The following ACACA variants were observed in gnomAD, a reference collection of about 807,000 sequenced individuals.
ACACA encodes acetyl-CoA carboxylase alpha.
ACACA carries 103 observed loss-of-function variants against 296.1 expected under a neutral mutation model. The ratio of observed to expected loss-of-function variants is 0.35; its 90% confidence interval spans 0.30 to 0.41. The LOEUF is 0.41. ACACA is among the 10% of genes least tolerant of loss of function. ACACA has a pLI of 1.00. For synonymous variants in ACACA, 953 were observed against 1,038.6 expected, an observed-to-expected ratio of 0.92 and a Z score of 1.58; for missense variants, 1,554 against 2,989.7, an observed-to-expected ratio of 0.52 and a Z score of 11.20.
intron 49 of ACACA, 141 bp downstream of exon 49, chr17:37,122,390 C>A: frequency 1.3e-6 from 1 of 777,640 alleles, no homozygotes; most frequent in Non-Finnish European, 2.3e-6. Context: ...AAAGTGAGCA[C>A]ATGATGTTCT....
Position 37,086,012 on chromosome 17 carries a change from TAA to T in ACACA, c.*1302_*1303del. ...TCTTGAATAAACTAGTTGTTGAAAG[TAA>T]ACTCTCTCCACCACCTGAGGAAGCC... On this transcript the variant is annotated 3_prime_UTR_variant, in exon 56 of 56. Coordinates refer to ENST00000616317, the MANE Select transcript of ACACA (RefSeq NM_198834.3). 2.5e-6 allele frequency: 1 copy of T among 393,570 alleles called. No homozygotes were observed. The allele number at this position is 393,570 out of a possible 1,614,324, so 24.4% of individuals were successfully genotyped here.
intron 54 of ACACA, among the ~76,000 whole-genome samples, chr17:37,089,379 GCT>G (rs1043412703): frequency 1.1e-4 from 17 of 152,210 alleles, no homozygotes; most frequent in African/African-American, 3.9e-4. Flanking sequence ...TTTGACAAAG[GCT>G]AAGAGAATTC....
chr17:37,159,777 T>C (rs1473770019), intron 42 of ACACA, among the ~76,000 whole-genome samples: 1 of 152,136 alleles, frequency 6.6e-6, no homozygotes, highest in Non-Finnish European at 1.5e-5. Context: ...AAATATAGAA[T>C]ATTTCCATCA....
At position 37,287,590 on chromosome 17, in the gene ACACA, A is replaced by AAC. The variant is rs1264156932; in HGVS notation, c.339-2621_339-2620insGT. ...CTACTAAAAAAAAAAAAAAAAAAAA[A>AAC]CAAATATCCAGGCATGGTGGTGCAC... On this transcript the variant is annotated intron_variant, in intron 3 of 55. Coordinates refer to ENST00000616317, the MANE Select transcript of ACACA (RefSeq NM_198834.3). Among the ~76,000 whole-genome samples the AAC allele has an allele frequency of 7.7e-3, 1,112 of 144,204 alleles. 40 individuals are homozygous for AAC. The highest frequency in any genetic ancestry group is 0.044 in the Admixed American group (627 of 14,200). 94.6% of individuals were successfully genotyped at this position (144,204 alleles called of 152,430 possible). A position where few individuals can be genotyped will look rare whatever the true frequency, so the allele number is the denominator to read the frequency against.
chr17:37,218,147 C>CAAAAAA (rs60487601), intron 29 of ACACA, among the ~76,000 whole-genome samples: 5 of 116,586 alleles, frequency 4.3e-5, no homozygotes, highest in African/African-American at 6.9e-5. Flanking sequence ...CTACCAGTAA[C>CAAAAAA]AAAAAAAAAA....
chr17:37,348,173 AAGT>A lies in ACACA; in HGVS notation c.39-8326_39-8324del, dbSNP rs2048721155. 2.6e-5 allele frequency among the ~76,000 whole-genome samples: 4 copies of A among 152,222 alleles called. No individual in the cohort carries two copies. The East Asian group carries it at 7.7e-4, about 29-fold the overall frequency. ...CTCTCAAAAAAAAAAAAAAAATTTA[AAGT>A]GATGAACAACAGGAGAGAAAAAGAA... On this transcript the variant is annotated intron_variant, in intron 1 of 55. Transcript: ENST00000616317.
At position 37,186,529 on chromosome 17, in the gene ACACA, C is replaced by T. The variant is rs79324199; in HGVS notation, c.4776+1748G>A. 5.8e-4 allele frequency among the ~76,000 whole-genome samples: 89 copies of T among 152,294 alleles called. No homozygotes were observed. The East Asian group carries it at 0.011, about 18-fold the overall frequency. On this transcript the variant is annotated intron_variant, in intron 39 of 55. Coordinates refer to ENST00000616317, the MANE Select transcript of ACACA (RefSeq NM_198834.3). Reference sequence around the variant, plus strand: ...TTAAAGAAAGGGAAAAACAGTTTGACAATAAGCACCATGTAGGCATTAGGA... The same window carrying T: ...TTAAAGAAAGGGAAAAACAGTTTGATAATAAGCACCATGTAGGCATTAGGA...
chr17:37,351,919 C>T (rs1372614646), intron 1 of ACACA, among the ~76,000 whole-genome samples: 1 of 146,038 alleles, frequency 6.8e-6, no homozygotes, highest in Non-Finnish European at 1.5e-5. Flanking sequence ...CAGGCTTTCA[C>T]AGGCTGCATT....
intron 2 of ACACA, 72 bp from the exon 3 acceptor site, chr17:37,330,497 A>G: frequency 6.3e-7 from 1 of 1,582,806 alleles, no homozygotes. Context: ...GCCAGAGGTT[A>G]TATCTAATAA....
At chr17:37,387,790 G>A (rs2050610911) in intron 1 of ACACA, 1 of 152,038 alleles carries the variant, frequency 6.6e-6, no homozygotes, top group South Asian at 2.1e-4. Context: ...AATTGGCCAG[G>A]ACTAAAATTC....
intron 43 of ACACA, 64 bp downstream of exon 43, chr17:37,155,619 A>G (rs937866444): frequency 4.4e-6 from 5 of 1,130,154 alleles, no homozygotes; most frequent in Non-Finnish European, 6.7e-6. Context: ...TACAATATGG[A>G]AAAAAATACC....
intron 41 of ACACA, among the ~76,000 whole-genome samples, chr17:37,170,115 G>A (rs1471046578): frequency 2.0e-5 from 3 of 151,872 alleles, no homozygotes; most frequent in Admixed American, 6.6e-5. Context: ...ACATTCCAAC[G>A]AGCAGGTTTA....
intron 3 of ACACA, among the ~76,000 whole-genome samples, chr17:37,322,635 C>T (rs1184828865): frequency 6.6e-6 from 1 of 152,124 alleles, no homozygotes; most frequent in Non-Finnish European, 1.5e-5. Flanking sequence ...AACCCGAGAC[C>T]ACAGCAGGCA....
chr17:37,092,652 G>C (rs1482492710), intron 54 of ACACA, among the ~76,000 whole-genome samples: 1 of 152,148 alleles, frequency 6.6e-6, no homozygotes, highest in African/African-American at 2.4e-5. Flanking sequence ...GGTTCAGCAG[G>C]GCCAAGGAGT....
At chr17:37,302,798 T>C (rs1440106363) in intron 3 of ACACA, among the ~76,000 whole-genome samples, 1 of 152,246 alleles carries the variant, frequency 6.6e-6, no homozygotes, top group South Asian at 2.1e-4. Flanking sequence ...CCCTGTGATC[T>C]TGATAAACTC....
chr17:37,305,904 GTTTTTTTTTTTTTTTTTT>G (rs200591761), intron 3 of ACACA, among the ~76,000 whole-genome samples: 1 of 95,808 alleles, frequency 1.0e-5, no homozygotes, highest in African/African-American at 3.5e-5. Context: ...TTTTTTTTTT[GTTTTTTTTTTTTTTTTTT>G]TTTTGAGACG....
chr17:37,252,821 C>T, intron 15 of ACACA, 65 bp downstream of exon 15: 1 of 1,591,802 alleles, frequency 6.3e-7, no homozygotes, highest in Non-Finnish European at 8.6e-7. Flanking sequence ...CATGTAGTGA[C>T]AGGGATTGAG....
intron 15 of ACACA, 90 bp downstream of exon 15, chr17:37,252,796 G>C (rs2081055072): frequency 6.5e-7 from 1 of 1,540,678 alleles, no homozygotes; most frequent in African/African-American, 1.4e-5. Context: ...ATTTACATTA[G>C]AATCAAATAA....
At chr17:37,223,978 G>C (rs1432994563) in intron 27 of ACACA, among the ~76,000 whole-genome samples, 1 of 152,222 alleles carries the variant, frequency 6.6e-6, no homozygotes, top group African/African-American at 2.4e-5. Context: ...AAGGCGGGCA[G>C]ATCACTTGAG....
Sources: allele counts gnomAD v4.1 joint callset (sites outside exome capture counted in the v4.1 genomes callset), GRCh38; gene constraint gnomAD v4.1.1; transcripts MANE v1.5; gene names NCBI Gene and HGNC (gene_info 2026-07-23, HGNC 2026-07-21).